FLYWCH1: variants seen among roughly 807,000 people sequenced by gnomAD.
FLYWCH1 encodes the protein FLYWCH-type zinc finger 1, also known as FLYWCH-type zinc finger-containing protein 1.
Under a neutral mutation model 66.4 loss-of-function variants are expected in FLYWCH1, and 75 were observed. The observed-to-expected ratio is 1.13, with a 90% CI of 0.94 to 1.37. FLYWCH1 has a LOEUF of 1.37. Among genes scored for constraint, FLYWCH1 ranks in the 40% most tolerant of loss-of-function variants. FLYWCH1 has a pLI of 0.00. For missense variants in FLYWCH1, 1,334 were observed against 1,001.8 expected (o/e 1.33, Z -4.48); for synonymous variants, 595 against 429.9 (o/e 1.38, Z -4.75).
At chr16:2,930,033 T>G in intron 3 of FLYWCH1, 23 bp downstream of exon 3, 1 of 1,586,174 alleles carries the variant, frequency 6.3e-7, no homozygotes, top group Non-Finnish European at 8.6e-7. Flanking sequence ...TTCCCGCCCC[T>G]GCCCAGCCAC....
At chr16:2,931,162 G>T (rs759970599) in intron 4 of FLYWCH1, among the ~76,000 whole-genome samples, 6 of 151,922 alleles carry the variant, frequency 3.9e-5, no homozygotes, top group Non-Finnish European at 7.4e-5. Context: ...ACTTAGCCGG[G>T]CATGCTGGTG....
intron 9 of FLYWCH1, among the ~76,000 whole-genome samples, chr16:2,947,148 A>G (rs1037440685): frequency 6.6e-6 from 1 of 152,248 alleles, no homozygotes; most frequent in Admixed American, 6.5e-5. Flanking sequence ...TTGTCCATAA[A>G]AAGGAACGAA....
intron 9 of FLYWCH1, among the ~76,000 whole-genome samples, chr16:2,946,802 A>G (rs1007499664): frequency 2.0e-5 from 3 of 152,206 alleles, no homozygotes; most frequent in African/African-American, 7.2e-5. Context: ...CCACTGTGAC[A>G]GACCACTTCA....
intron 9 of FLYWCH1, among the ~76,000 whole-genome samples, chr16:2,941,124 A>C (rs534558690): frequency 4.6e-5 from 7 of 152,256 alleles, no homozygotes; most frequent in African/African-American, 1.7e-4. Context: ...GGAAACTCAG[A>C]AATACGTAGA....
chr16:2,937,974 GCCCAGTCATCCCCA>G (rs1341336790), intron 7 of FLYWCH1, among the ~76,000 whole-genome samples, 196 bp from the exon 8 acceptor site: 2 of 152,160 alleles, frequency 1.3e-5, no homozygotes, highest in Non-Finnish European at 2.9e-5. Context: ...CAGGCCACGT[GCCCAGTCATCCCCA>G]GAGCCCTTGG....
At chr16:2,930,177 G>A (rs371606043) in intron 3 of FLYWCH1, among the ~76,000 whole-genome samples, 167 bp downstream of exon 3, 2 of 152,212 alleles carry the variant, frequency 1.3e-5, no homozygotes, top group East Asian at 3.9e-4. Flanking sequence ...TCACAGTCAG[G>A]TACCAGGAGC....
At chr16:2,941,393 C>T (rs531099395) in intron 9 of FLYWCH1, among the ~76,000 whole-genome samples, 18 of 152,276 alleles carry the variant, frequency 1.2e-4, no homozygotes, top group African/African-American at 4.1e-4. Flanking sequence ...AAATCTATAG[C>T]TAAAAACACT....
At chr16:2,938,575 A>G in intron 8 of FLYWCH1, 119 bp downstream of exon 8, 1 of 750,052 alleles carries the variant, frequency 1.3e-6, no homozygotes, top group Non-Finnish European at 1.9e-6. Flanking sequence ...CACACAAATT[A>G]TTCATATAAA....
At position 2,933,522 on chromosome 16, in the gene FLYWCH1, C is replaced by T. The variant is rs753306870; in HGVS notation, c.1189C>T (p.Gln397Ter). 7 of 1,611,438 alleles carry T rather than the reference C, an allele frequency of 4.3e-6. No homozygotes were observed. In the South Asian group the frequency reaches 7.7e-5, roughly 18 times the overall value. ...CAGAAAGCGAGCAAAGGTCGAAGAC[C>T]AGGAGCTGCCAACCCAGCCCGAGGC... ...RPRKRAKVED[Q>*]ELPTQPEAPD... The change falls in exon 5 of 10, where the codon CAG becomes TAG. Residue 397 changes from glutamine (Q) to a stop codon, truncating the protein, a stop_gained. Transcript: ENST00000253928. LOFTEE classifies it high-confidence loss of function.
In FLYWCH1 at chr16:2,950,693, G is replaced by A. The variant is rs2071643026; in HGVS notation, c.*1966G>A. The A allele has an allele frequency of 2.6e-5, 4 of 152,294 alleles. No homozygotes were observed. Among genetic ancestry groups the A allele is most frequent in the Admixed American group, 2.0e-4 (3 of 15,284 alleles). The allele number at this position is 152,294 out of a possible 1,614,324, so 9.4% of individuals were successfully genotyped here. On this transcript the variant is annotated 3_prime_UTR_variant, in exon 10 of 10. Coordinates refer to ENST00000253928, the MANE Select transcript of FLYWCH1 (RefSeq NM_001308068.2). ...GAGGCGAATCAGAGGAAGAATATCG[G>A]CTTCTCTTCCCTTTTGGATATTTGC...
intron 2 of FLYWCH1, among the ~76,000 whole-genome samples, chr16:2,927,544 T>C (rs141023698): frequency 3.9e-5 from 6 of 152,360 alleles, no homozygotes; most frequent in East Asian, 1.9e-4. Flanking sequence ...GGAGGAGCCA[T>C]GCATAAAGCT....
chr16:2,920,392 A>G (rs533059509), intron 2 of FLYWCH1, among the ~76,000 whole-genome samples: 12 of 152,102 alleles, frequency 7.9e-5, no homozygotes, highest in East Asian at 1.9e-4. Flanking sequence ...TCAGGTGCCT[A>G]TAATCCCAGC....
In FLYWCH1 at chr16:2,946,052, A is replaced by G. The variant is rs189122118; in HGVS notation, c.2112-2636A>G. 4.4e-4 allele frequency among the ~76,000 whole-genome samples: 67 copies of G among 152,298 alleles called. No individual in the cohort carries two copies. The East Asian group carries it at 0.013, about 28-fold the overall frequency. On this transcript the variant is annotated intron_variant, in intron 9 of 9. Coordinates refer to ENST00000253928, the MANE Select transcript of FLYWCH1 (RefSeq NM_001308068.2). ...GAGGTTCTAAAGAAAATATTTTTGT[A>G]CAGCTGTACAATGTATTTGTGTTTT...
intron 4 of FLYWCH1, among the ~76,000 whole-genome samples, chr16:2,932,215 G>T (rs2070788241): frequency 6.8e-6 from 1 of 145,988 alleles, no homozygotes; most frequent in African/African-American, 2.5e-5. Context: ...AGGTTGCAGT[G>T]AGCCAAGATC....
intron 1 of FLYWCH1, 114 bp downstream of exon 1, chr16:2,912,268 TC>T (rs1338205280): frequency 6.6e-6 from 1 of 152,280 alleles, no homozygotes; most frequent in Admixed American, 6.5e-5. Flanking sequence ...GGGGTCTGCG[TC>T]CCGGCGCTCA....
At chr16:2,945,770 G>A (rs2071455864) in intron 9 of FLYWCH1, among the ~76,000 whole-genome samples, 2 of 152,214 alleles carry the variant, frequency 1.3e-5, no homozygotes, top group Admixed American at 6.6e-5. Flanking sequence ...GGCCAAGGTG[G>A]GCAGATCATG....
chr16:2,933,660 G>C (rs534978187), intron 5 of FLYWCH1, 56 bp from the exon 6 acceptor site: 19 of 1,570,952 alleles, frequency 1.2e-5, no homozygotes, highest in African/African-American at 8.1e-5. Flanking sequence ...AAGGGGGTGC[G>C]ATCAGGCCTA....
intron 6 of FLYWCH1, chr16:2,936,162 C>G: frequency 6.5e-6 from 2 of 309,536 alleles, no homozygotes; most frequent in South Asian, 5.2e-5. Flanking sequence ...CCGCCTGCCT[C>G]GGCCTCCCAA....
rs140033542 is a variant in FLYWCH1 at position 2,942,890 on chromosome 16, C to T, written c.2111+2798C>T. The stretch of plus-strand genomic sequence containing the variant: ...CTAATTTTTGTATTTTTAGTGGAGA[C>T]GGGGTTTCGCTATGTTGGCTAGGCT... On this transcript the variant is annotated intron_variant, in intron 9 of 9. Coordinates refer to ENST00000253928, the MANE Select transcript of FLYWCH1 (RefSeq NM_001308068.2). Among the ~76,000 whole-genome samples the T allele has an allele frequency of 7.9e-5, 12 of 151,780 alleles. 1 individual carries two copies. Among genetic ancestry groups the T allele is most frequent in the African/African-American group, 2.7e-4 (11 of 41,358 alleles).
Sources: gnomAD v4.1 joint callset for allele counts (sites outside exome capture counted in the v4.1 genomes callset) on GRCh38, gnomAD v4.1.1 for gene constraint, MANE v1.5 for transcripts, NCBI Gene and HGNC (gene_info 2026-07-23, HGNC 2026-07-21) for gene names.